Variants in STIM1 observed in about 807,000 individuals in gnomAD.
The protein encoded by STIM1 is stromal interaction molecule 1.
Under a neutral mutation model 74.7 loss-of-function variants are expected in STIM1, and 25 were observed. That is an observed-to-expected ratio of 0.33 (90% CI 0.24 to 0.47). STIM1 has a LOEUF of 0.47. Ranked by LOEUF, STIM1 falls within the 20% of genes least tolerant of loss-of-function variation. STIM1 has a pLI of 1.00. For synonymous variants in STIM1, 328 were observed against 348.8 expected (o/e 0.94, Z 0.66); for missense variants, 728 against 920.8 (o/e 0.79, Z 2.71).
intron 1 of STIM1, among the ~76,000 whole-genome samples, chr11:3,959,550 T>G (rs2093261892): frequency 6.6e-6 from 1 of 152,208 alleles, no homozygotes; most frequent in Non-Finnish European, 1.5e-5. Context: ...AGCTTGGTTC[T>G]TACCACTTGG....
At chr11:3,862,608 G>A (rs1391885451) in intron 1 of STIM1, among the ~76,000 whole-genome samples, 1 of 151,990 alleles carries the variant, frequency 6.6e-6, no homozygotes, top group Non-Finnish European at 1.5e-5. Context: ...CATCACACCC[G>A]GCTAATTTTT....
chr11:3,944,769 C>T (rs148179855), intron 1 of STIM1, among the ~76,000 whole-genome samples: 71 of 152,268 alleles, frequency 4.7e-4, no homozygotes, highest in Non-Finnish European at 2.2e-4. Flanking sequence ...GAGCTCTGCA[C>T]AGTAGAGGTG....
At chr11:4,057,927 T>C (rs1225534015) in intron 4 of STIM1, among the ~76,000 whole-genome samples, 3 of 151,994 alleles carry the variant, frequency 2.0e-5, no homozygotes, top group African/African-American at 7.2e-5. Flanking sequence ...TTAAGGTTGT[T>C]GTGAGGACTG....
chr11:3,911,725 G>T (rs2092565032), intron 1 of STIM1, among the ~76,000 whole-genome samples: 1 of 152,040 alleles, frequency 6.6e-6, no homozygotes, highest in South Asian at 2.1e-4. Context: ...TTAGTACATA[G>T]CTCCAGTGTC....
chr11:3,941,700 T>A (rs868276941), intron 1 of STIM1, among the ~76,000 whole-genome samples: 138 of 104,548 alleles, frequency 1.3e-3, no homozygotes, highest in Admixed American at 2.2e-3. Flanking sequence ...AGAGAGAGTG[T>A]GTGTGTGTCT....
intron 1 of STIM1, among the ~76,000 whole-genome samples, chr11:3,871,603 A>C (rs1406062248): frequency 6.6e-6 from 1 of 152,190 alleles, no homozygotes; most frequent in Admixed American, 6.5e-5. Context: ...ACTGGTTACT[A>C]TTTTGTAGCT....
chr11:4,062,638 CAA>C (rs2094339078), intron 5 of STIM1, among the ~76,000 whole-genome samples: 1 of 151,950 alleles, frequency 6.6e-6, no homozygotes, highest in Non-Finnish European at 1.5e-5. Flanking sequence ...AACAAACAAA[CAA>C]AAAATGGACA....
chr11:3,856,047 C>T lies in STIM1; in HGVS notation c.-224C>T. 1.7e-6 allele frequency: 1 copy of T among 576,904 alleles called. No individual in the cohort carries two copies. Among genetic ancestry groups the T allele is most frequent in the Non-Finnish European group, 3.1e-6 (1 of 323,454 alleles). 35.7% of individuals were successfully genotyped at this position (576,904 alleles called of 1,614,324 possible). ...CGAGCTCAGGCCGCCGCAGCCCCGG[C>T]GGACCCACTGTTGGACCTGAGGAGC... On this transcript the variant is annotated 5_prime_UTR_variant, in exon 1 of 13. Transcript: ENST00000526596.
chr11:3,913,882 G>A (rs2092603084), intron 1 of STIM1, among the ~76,000 whole-genome samples: 2 of 152,064 alleles, frequency 1.3e-5, no homozygotes, highest in South Asian at 4.1e-4. Flanking sequence ...GTGACCTTTT[G>A]TATCTGGCTT....
chr11:4,062,064 A>G (rs989118702), intron 5 of STIM1, among the ~76,000 whole-genome samples: 1 of 152,240 alleles, frequency 6.6e-6, no homozygotes, highest in Non-Finnish European at 1.5e-5. Flanking sequence ...AGATAGAGGT[A>G]GTGGTTGCAT....
intron 1 of STIM1, among the ~76,000 whole-genome samples, chr11:3,876,152 A>G (rs1177927899): frequency 6.6e-6 from 1 of 152,184 alleles, no homozygotes; most frequent in East Asian, 1.9e-4. Flanking sequence ...AAGATAATGT[A>G]TGTGAAAGTC....
chr11:4,091,502 C>G lies in STIM1; in HGVS notation c.1855C>G (p.His619Asp). The G allele has an allele frequency of 1.2e-6, 2 of 1,614,194 alleles. No homozygotes were observed. The highest frequency in any genetic ancestry group is 1.7e-6 in the Non-Finnish European group (2 of 1,180,030). Residue 619 changes from histidine to aspartate, a missense_variant, in exon 13 of 13, where the codon CAT becomes GAT. Physicochemically the swap from His to Asp is moderately conservative, Grantham distance 81. Around this residue, in one of 5 missense-constraint regions of STIM1, gnomAD observed 352 missense variants for 370.1 expected, o/e 0.95. Transcript: ENST00000526596. ...CAAGAAGGCATTACTGGCGCTGAACCATGGGCTGGACAAGGCCCACAGCCT... is the reference window on the plus strand; with the variant it reads ...CAAGAAGGCATTACTGGCGCTGAACGATGGGCTGGACAAGGCCCACAGCCT... Reference protein sequence around the residue: ...LAKKALLALNHGLDKAHSLME... With the variant: ...LAKKALLALNDGLDKAHSLME...
At chr11:3,910,389 A>G (rs4365044) in intron 1 of STIM1, among the ~76,000 whole-genome samples, 134,104 of 152,124 alleles carry the variant, frequency 0.88, 59,268 homozygotes, top group South Asian at 0.92. Flanking sequence ...ACTGGATGAA[A>G]CCTGACCTGA....
intron 1 of STIM1, among the ~76,000 whole-genome samples, chr11:3,887,931 C>G (rs1470107537): frequency 6.7e-6 from 1 of 148,414 alleles, no homozygotes; most frequent in Admixed American, 6.8e-5. Flanking sequence ...GATCGCACCA[C>G]TGCACTCCAG....
At chr11:3,978,589 C>T (rs902327899) in intron 2 of STIM1, among the ~76,000 whole-genome samples, 1 of 151,584 alleles carries the variant, frequency 6.6e-6, no homozygotes, top group Non-Finnish European at 1.5e-5. Flanking sequence ...GGTGAAACCC[C>T]GTCTCTACTA....
chr11:4,049,085 C>G (rs1296359513), intron 3 of STIM1, among the ~76,000 whole-genome samples: 1 of 152,188 alleles, frequency 6.6e-6, no homozygotes, highest in African/African-American at 2.4e-5. Context: ...AAAAACATCA[C>G]ATTATAATAT....
intron 6 of STIM1, among the ~76,000 whole-genome samples, chr11:4,073,488 T>C (rs182227324): frequency 6.6e-6 from 1 of 152,364 alleles, no homozygotes; most frequent in East Asian, 1.9e-4. Flanking sequence ...CTTGTCTTTG[T>C]TGGAGTAAAT....
rs371094862 is a variant in STIM1, at chr11:4,052,514, T to C, written c.386-3012T>C. ...AGGATTCCCTATTTAATAAATGGTG[T>C]TGGGAAAACTGGCTAGCCATATGTA... On this transcript the variant is annotated intron_variant, in intron 3 of 12. Coordinates refer to ENST00000526596, the MANE Select transcript of STIM1 (RefSeq NM_001382567.1). Among the ~76,000 whole-genome samples, 50 of 152,192 alleles carry C rather than the reference T, an allele frequency of 3.3e-4. No homozygotes were observed. The East Asian group carries it at 6.9e-3, about 21-fold the overall frequency.
intron 2 of STIM1, among the ~76,000 whole-genome samples, chr11:4,013,726 A>G (rs1251381771): frequency 1.3e-5 from 1 of 79,854 alleles, no homozygotes; most frequent in Non-Finnish European, 2.3e-5. Flanking sequence ...TTTTTTTGAG[A>G]CAGAGTATCC....
Sources: gnomAD v4.1 joint callset for allele counts (sites outside exome capture counted in the v4.1 genomes callset) on GRCh38, gnomAD v4.1.1 for gene constraint, gnomAD v4.1.1 regional missense constraint, MANE v1.5 for transcripts, NCBI Gene and HGNC (gene_info 2026-07-23, HGNC 2026-07-21) for gene names.